The following SYNE1 variants were observed in gnomAD, a reference collection of about 807,000 sequenced individuals.
SYNE1 encodes the protein spectrin repeat containing nuclear envelope protein 1, also known as nesprin-1.
Under a neutral mutation model 1,111.0 loss-of-function variants are expected in SYNE1, and 616 were observed. The ratio of observed to expected loss-of-function variants is 0.55; its 90% CI spans 0.52 to 0.59. The LOEUF (loss-of-function observed/expected upper bound fraction) is 0.59. Among genes scored for constraint, SYNE1 ranks in the 20% least tolerant of loss-of-function variants. SYNE1 has a pLI of 0.00. For synonymous variants in SYNE1, 3,855 were observed against 3,825.8 expected (o/e 1.01, Z -0.28); for missense variants, 10,006 against 10,417.0 (o/e 0.96, Z 1.72).
chr6:152,551,564 T>A lies in SYNE1; in HGVS notation c.68-11543A>T, dbSNP rs984143371. On this transcript the variant is annotated intron_variant, in intron 3 of 145. Transcript: ENST00000367255. ...GAAACAGGAATCAAAAAGAATTACA[T>A]CACAGTCCAAGTTTTGTAAATGCAA... Among the ~76,000 whole-genome samples the A allele has an allele frequency of 3.3e-5, 5 of 152,158 alleles. No individual in the cohort carries two copies. The South Asian group carries it at 1.0e-3, about 31-fold the overall frequency.
chr6:152,220,529 C>G (rs912777727), intron 119 of SYNE1, among the ~76,000 whole-genome samples: 1 of 152,004 alleles, frequency 6.6e-6, no homozygotes, highest in Non-Finnish European at 1.5e-5. Flanking sequence ...AACACTATTC[C>G]CCATATGGTC....
intron 43 of SYNE1, 161 bp downstream of exon 43, chr6:152,409,398 T>A: frequency 8.9e-7 from 1 of 1,127,190 alleles, no homozygotes; most frequent in Non-Finnish European, 1.3e-6. Flanking sequence ...ATTGCTAGAA[T>A]CCTAGAATGT....
At chr6:152,182,304 T>C (rs1374351511) in intron 128 of SYNE1, among the ~76,000 whole-genome samples, 3 of 152,260 alleles carry the variant, frequency 2.0e-5, no homozygotes, top group African/African-American at 7.2e-5. Flanking sequence ...CAAAACATAA[T>C]ATGATTTGGT....
chr6:152,207,393 G>T (rs1294407040), intron 125 of SYNE1, among the ~76,000 whole-genome samples: 1 of 152,172 alleles, frequency 6.6e-6, no homozygotes, highest in African/African-American at 2.4e-5. Context: ...TCTGCTGGCA[G>T]GGGGCAGTTG....
At chr6:152,600,276 G>T (rs528323195) in intron 3 of SYNE1, among the ~76,000 whole-genome samples, 2 of 152,302 alleles carry the variant, frequency 1.3e-5, no homozygotes, top group East Asian at 3.9e-4. Context: ...GGAACTGAGA[G>T]TCCAAACAGA....
Position 152,601,909 on chromosome 6 carries a change from G to T in SYNE1, c.67+26356C>A, listed in dbSNP as rs142242801. On this transcript the variant is annotated intron_variant, in intron 3 of 145. Coordinates refer to ENST00000367255, the MANE Select transcript of SYNE1 (RefSeq NM_182961.4). ...CCTGCCTTTGAAATTCATCCCCGGG[G>T]TTCACCTGGCCATTCTCATCTTGCC... Among the ~76,000 whole-genome samples, 946 of 152,212 alleles carry T rather than the reference G, an allele frequency of 6.2e-3. 9 individuals carry two copies. The highest frequency in any genetic ancestry group is 0.022 in the African/African-American group (900 of 41,522).
intron 3 of SYNE1, among the ~76,000 whole-genome samples, chr6:152,571,127 A>G (rs1327486905): frequency 6.6e-6 from 1 of 152,212 alleles, no homozygotes. Flanking sequence ...TCAGTTACTT[A>G]GTTTCAATAA....
At chr6:152,410,655 C>T (rs1033580194) in intron 42 of SYNE1, among the ~76,000 whole-genome samples, 6 of 152,102 alleles carry the variant, frequency 3.9e-5, no homozygotes, top group Admixed American at 6.6e-5. Flanking sequence ...GGCTTGAACT[C>T]GGGTGGTAGA....
In SYNE1 at chr6:152,450,828, GA is replaced by G. The variant is rs1564113992; in HGVS notation, c.3191del (p.Phe1064SerfsTer23). On this transcript the variant is annotated frameshift_variant, in exon 27 of 146. Transcript: ENST00000367255. LOFTEE classifies it high-confidence loss of function. ...GATGATGAGGACCTTTGTCACTGAA[GA>G]AAACCTAATGTGTAATAAATGTTTT... is the stretch of plus-strand genomic sequence containing the variant. ...SEKIIKEHRV[F>X]FSDKGPHHLC... The G allele has an allele frequency of 1.2e-6, 2 of 1,613,922 alleles. No homozygotes were observed. Among genetic ancestry groups the G allele is most frequent in the Non-Finnish European group, 1.7e-6 (2 of 1,179,954 alleles).
At chr6:152,295,963 C>A (rs907609567) in intron 93 of SYNE1, among the ~76,000 whole-genome samples, 4 of 152,192 alleles carry the variant, frequency 2.6e-5, no homozygotes, top group African/African-American at 9.6e-5. Flanking sequence ...TGTGACGGAT[C>A]GTCACACGTG....
At chr6:152,616,383 C>A (rs2099648404) in intron 3 of SYNE1, among the ~76,000 whole-genome samples, 1 of 152,042 alleles carries the variant, frequency 6.6e-6, no homozygotes, top group African/African-American at 2.4e-5. Flanking sequence ...GGCCACCCTA[C>A]ACAGCATAGT....
chr6:152,329,522 G>A (rs559384610), intron 78 of SYNE1, among the ~76,000 whole-genome samples: 13 of 152,220 alleles, frequency 8.5e-5, no homozygotes, highest in East Asian at 3.9e-4. Flanking sequence ...GCGAGACTTC[G>A]TCTCAAAAAA....
In SYNE1 at chr6:152,140,093, G is replaced by T; in HGVS notation, c.25315C>A (p.Leu8439Ile). The T allele has an allele frequency of 1.9e-6, 3 of 1,614,206 alleles. No homozygotes were observed. Among genetic ancestry groups the T allele is most frequent in the Non-Finnish European group, 2.5e-6 (3 of 1,180,044 alleles). Residue 8439 changes from leucine to isoleucine, a missense_variant, in exon 140 of 146, where the codon CTC becomes ATC. This residue lies in a region of SYNE1 where 761 missense variants were observed against 795.5 expected (regional missense o/e 0.96). Coordinates refer to ENST00000367255, the MANE Select transcript of SYNE1 (RefSeq NM_182961.4). ...LSKELRMKQN[L>I]QKWQQFNSDL... ...GAGTTAAACTGCTGCCACTTCTGGA[G>T]GTTCTGCTTCATCCTCAACTCCTTG...
intron 48 of SYNE1, among the ~76,000 whole-genome samples, chr6:152,399,159 G>A: frequency 6.6e-6 from 1 of 152,190 alleles, no homozygotes; most frequent in Non-Finnish European, 1.5e-5. Flanking sequence ...GCACAGCTGT[G>A]TGGAAAGCAG....
chr6:152,585,316 A>T (rs1469299170), intron 3 of SYNE1, among the ~76,000 whole-genome samples: 1 of 152,264 alleles, frequency 6.6e-6, no homozygotes, highest in Non-Finnish European at 1.5e-5. Flanking sequence ...GCATGAGAAC[A>T]GACTAATATA....
At chr6:152,324,157 C>T (rs1328060259) in intron 81 of SYNE1, among the ~76,000 whole-genome samples, 1 of 151,070 alleles carries the variant, frequency 6.6e-6, no homozygotes, top group Non-Finnish European at 1.5e-5. Context: ...CCAGCACTTT[C>T]GGAGGCCGAG....
chr6:152,254,903 G>A lies in SYNE1; in HGVS notation c.19447C>T (p.Leu6483Phe). ...NQRCHQMKER[L>F]QQILNFQNDL... Reference sequence around the variant, plus strand: ...ACCTGGAAATTTAGTATTTGCTGAAGTCTTTCTTTCATCTGATGACATCGT... The same window carrying A: ...ACCTGGAAATTTAGTATTTGCTGAAATCTTTCTTTCATCTGATGACATCGT... Residue 6483 changes from leucine to phenylalanine, a missense_variant, in exon 104 of 146, where the codon CTT becomes TTT. By Grantham distance (22) the Leu-to-Phe change is conservative. Transcript: ENST00000367255. 6.2e-7 allele frequency: 1 copy of A among 1,613,842 alleles called. No individual in the cohort carries two copies. Among genetic ancestry groups the A allele is most frequent in the Non-Finnish European group, 8.5e-7 (1 of 1,179,870 alleles).
intron 34 of SYNE1, among the ~76,000 whole-genome samples, chr6:152,430,937 G>A (rs1242413760): frequency 2.6e-5 from 4 of 152,090 alleles, no homozygotes; most frequent in African/African-American, 9.7e-5. Flanking sequence ...TAGAGCATAC[G>A]GAGAAATAGC....
chr6:152,518,182 ATC>A (rs1237409585), intron 6 of SYNE1, among the ~76,000 whole-genome samples: 2 of 150,664 alleles, frequency 1.3e-5, no homozygotes, highest in African/African-American at 4.9e-5. Flanking sequence ...TAGTTTGTAA[ATC>A]TGTTTCTCAC....
Sources: gnomAD v4.1 joint callset for allele counts (sites outside exome capture counted in the v4.1 genomes callset) on GRCh38, gnomAD v4.1.1 for gene constraint, gnomAD v4.1.1 regional missense constraint, MANE v1.5 for transcripts, NCBI Gene and HGNC (gene_info 2026-07-23, HGNC 2026-07-21) for gene names.